Variants in BACH2 observed in about 807,000 individuals in gnomAD.
BACH2 encodes the protein transcription regulator protein BACH2.
Under a neutral mutation model 61.8 loss-of-function variants are expected in BACH2, and 5 were observed. That is an observed-to-expected ratio of 0.08 (90% confidence interval 0.04 to 0.17). BACH2 has a LOEUF of 0.17. Ranked by LOEUF, BACH2 falls within the 10% of genes least tolerant of loss-of-function variation. The probability of loss-of-function intolerance (pLI) is 1.00; values close to 1 mark genes in which losing one functional copy is unlikely to be tolerated. For missense variants in BACH2, 824 were observed against 1,091.1 expected, an observed-to-expected ratio of 0.76 and a Z score of 3.45; for synonymous variants, 446 against 440.1, an observed-to-expected ratio of 1.01 and a Z score of -0.17.
chr6:90,174,037 A>T (rs1363248614), intron 4 of BACH2, among the ~76,000 whole-genome samples: 1 of 152,156 alleles, frequency 6.6e-6, no homozygotes, highest in Non-Finnish European at 1.5e-5. Flanking sequence ...ATATTAATAG[A>T]AATATTTAAT....
At chr6:90,082,937 C>T (rs9451347) in intron 5 of BACH2, among the ~76,000 whole-genome samples, 3,880 of 152,184 alleles carry the variant, frequency 0.025, 150 homozygotes, top group African/African-American at 0.08. Flanking sequence ...CAGATTATAG[C>T]TTCTAATTAA....
intron 5 of BACH2, among the ~76,000 whole-genome samples, chr6:90,021,227 A>T (rs1236933280): frequency 6.6e-6 from 1 of 151,760 alleles, no homozygotes; most frequent in Non-Finnish European, 1.5e-5. Context: ...TTGACTCTTC[A>T]TTCATTATCG....
chr6:89,987,331 G>A (rs1762443727), intron 6 of BACH2, among the ~76,000 whole-genome samples: 1 of 152,154 alleles, frequency 6.6e-6, no homozygotes, highest in African/African-American at 2.4e-5. Flanking sequence ...GATGCAGAAA[G>A]CGAGTCACGC....
Position 89,950,741 on chromosome 6 carries a change from G to A in BACH2, c.1365C>T (p.Asp455=), listed in dbSNP as rs1288395307. 6.2e-7 allele frequency: 1 copy of A among 1,614,020 alleles called. No homozygotes were observed. Among genetic ancestry groups the A allele is most frequent in the Non-Finnish European group, 8.5e-7 (1 of 1,180,018 alleles). Reference sequence around the variant, plus strand: ...TTGGCACCGGCTCAGAGAGGTCTTTGTCCAAACTGCTCACCCCAGAATAAG... The same window carrying A: ...TTGGCACCGGCTCAGAGAGGTCTTTATCCAAACTGCTCACCCCAGAATAAG... The part of the protein sequence containing the change: ...VHSYSGVSSL[D]KDLSEPVPKG... Residue 455 remains aspartate (D), a synonymous_variant, in exon 7 of 9, where the codon GAC becomes GAT. Transcript: ENST00000257749. This position sits in a 1 kb window ranked among gnomAD's most constrained non-coding sequence, Gnocchi z 5.3.
chr6:90,286,271 A>G lies in BACH2; in HGVS notation c.-446+10209T>C, dbSNP rs116374274. ...AACCCACAATATCAACACGCTTAACATAAGTGGAAATTTAAAATGTACTGT... is the reference window on the plus strand; with the variant it reads ...AACCCACAATATCAACACGCTTAACGTAAGTGGAAATTTAAAATGTACTGT... On this transcript the variant is annotated intron_variant, in intron 1 of 8. Coordinates refer to ENST00000257749, the MANE Select transcript of BACH2 (RefSeq NM_021813.4). 4.0e-3 allele frequency among the ~76,000 whole-genome samples: 616 copies of G among 152,344 alleles called. 5 individuals are homozygous for G. Among genetic ancestry groups the G allele is most frequent in the African/African-American group, 0.014 (567 of 41,580 alleles).
intron 5 of BACH2, among the ~76,000 whole-genome samples, chr6:90,029,608 T>G (rs1778843505): frequency 6.6e-6 from 1 of 152,244 alleles, no homozygotes; most frequent in African/African-American, 2.4e-5. Flanking sequence ...TTACCTGTTT[T>G]GCTCACCATT....
chr6:89,967,154 G>A (rs1458183885), intron 6 of BACH2, among the ~76,000 whole-genome samples: 1 of 152,176 alleles, frequency 6.6e-6, no homozygotes. Flanking sequence ...TAAGTCACAG[G>A]TGCTTCAGAA....
At chr6:90,029,799 T>C (rs1778858285) in intron 5 of BACH2, among the ~76,000 whole-genome samples, 1 of 152,342 alleles carries the variant, frequency 6.6e-6, no homozygotes, top group Admixed American at 6.5e-5. Flanking sequence ...TTTCTGGGCC[T>C]CAAGGTCGCC....
chr6:90,181,328 G>GGTGTGT (rs10593294), intron 4 of BACH2, among the ~76,000 whole-genome samples: 17 of 148,334 alleles, frequency 1.1e-4, no homozygotes, highest in African/African-American at 3.5e-4. Flanking sequence ...CCCACTGTGT[G>GGTGTGT]GTGTGTGTGT....
chr6:90,266,011 G>C (rs2127878224), intron 2 of BACH2, among the ~76,000 whole-genome samples: 2 of 152,270 alleles, frequency 1.3e-5, no homozygotes, highest in South Asian at 4.1e-4. Context: ...TAAGGCTGCA[G>C]AGATGGGAAA....
rs1351713672 is a variant in BACH2 at position 90,234,909 on chromosome 6, T to C, written c.-275+17604A>G. On this transcript the variant is annotated intron_variant, in intron 3 of 8. Coordinates refer to ENST00000257749, the MANE Select transcript of BACH2 (RefSeq NM_021813.4). ...TAGCTGGGTGACCTTGGGCAAGTCA[T>C]TTAAACTTCCATTTCTTCATGTGAT... Among the ~76,000 whole-genome samples, 12 of 152,166 alleles carry C rather than the reference T, an allele frequency of 7.9e-5. No homozygotes were observed. In the East Asian group the frequency reaches 2.1e-3, roughly 27 times the overall value.
intron 5 of BACH2, among the ~76,000 whole-genome samples, chr6:90,029,354 C>T (rs9359879): frequency 0.021 from 3,169 of 152,250 alleles, 152 homozygotes; most frequent in East Asian, 0.2. Context: ...TCCCGAGAGA[C>T]TGTTAGGAGA....
chr6:90,058,264 C>T (rs903897659), intron 5 of BACH2, among the ~76,000 whole-genome samples: 2 of 152,240 alleles, frequency 1.3e-5, no homozygotes, highest in Non-Finnish European at 2.9e-5. Context: ...TGATAAGCAA[C>T]TTCAGCAAAG....
intron 4 of BACH2, among the ~76,000 whole-genome samples, chr6:90,123,769 CAAAAAAAAAA>C (rs796903431): frequency 0.026 from 898 of 34,024 alleles, 23 homozygotes; most frequent in African/African-American, 0.07. Context: ...GACTCCGTCT[CAAAAAAAAAA>C]AAAAAAAAAA....
chr6:89,990,528 T>C (rs977421877), intron 6 of BACH2, among the ~76,000 whole-genome samples: 1 of 152,118 alleles, frequency 6.6e-6, no homozygotes, highest in African/African-American at 2.4e-5. Flanking sequence ...ACTGGCTTTT[T>C]TTTTTCTTTA....
At chr6:89,981,033 T>C (rs1384466549) in intron 6 of BACH2, among the ~76,000 whole-genome samples, 3 of 152,128 alleles carry the variant, frequency 2.0e-5, no homozygotes, top group Non-Finnish European at 4.4e-5. Flanking sequence ...AATTAGATAT[T>C]GGTATTTTGG....
chr6:90,250,205 A>T (rs1770762243), intron 3 of BACH2, among the ~76,000 whole-genome samples: 1 of 152,224 alleles, frequency 6.6e-6, no homozygotes, highest in Non-Finnish European at 1.5e-5. Flanking sequence ...AAAAGGCTTG[A>T]ATTTAAAAAG....
intron 6 of BACH2, among the ~76,000 whole-genome samples, chr6:89,999,182 TGCCTTCTATTCA>T (rs1214621315): frequency 2.6e-5 from 4 of 152,244 alleles, no homozygotes; most frequent in African/African-American, 9.6e-5. Context: ...AATCAATGTT[TGCCTTCTATTCA>T]GCTTTCAGCC....
intron 5 of BACH2, among the ~76,000 whole-genome samples, chr6:90,028,363 A>G (rs1454038750): frequency 6.6e-6 from 1 of 152,246 alleles, no homozygotes; most frequent in Non-Finnish European, 1.5e-5. Flanking sequence ...AACATTTCCT[A>G]AAAGATTCCA....
Sources: gnomAD v4.1 joint callset for allele counts (sites outside exome capture counted in the v4.1 genomes callset) on GRCh38, gnomAD v4.1.1 for gene constraint, Gnocchi (gnomAD v3.1) non-coding constraint, MANE v1.5 for transcripts, NCBI Gene and HGNC (gene_info 2026-07-23, HGNC 2026-07-21) for gene names.